The following KCTD8 variants were observed in gnomAD, a reference collection of about 807,000 sequenced individuals.
KCTD8 encodes BTB/POZ domain-containing protein KCTD8.
In KCTD8, 27 loss-of-function variants were observed where a neutral mutation model predicts 31.5. That is an observed-to-expected ratio of 0.86 (90% confidence interval 0.63 to 1.18). The LOEUF (loss-of-function observed/expected upper bound fraction) is 1.18. KCTD8 is among the 50% of genes most tolerant of loss of function. The pLI is 0.00. For missense variants in KCTD8, 658 were observed against 647.7 expected, an observed-to-expected ratio of 1.02 and a Z score of -0.17; for synonymous variants, 290 against 280.0, an observed-to-expected ratio of 1.04 and a Z score of -0.36.
chr4:44,448,424 G>C lies in KCTD8; in HGVS notation c.100C>G (p.Pro34Ala), dbSNP rs1560458036. ...SSPGASAAAA[P>A]GPCAPSPFPE... is the part of the protein sequence containing the mutation. ...AAGGGCGAGGGTGCGCAGGGCCCCG[G>C]GGCGGCGGCGGCCGACGCGCCGGGC... The change falls in exon 1 of 2, where the codon CCG (proline) becomes GCG (alanine). Residue 34 changes from proline (P) to alanine (A), a missense_variant. By Grantham distance (27) the Pro-to-Ala change is conservative. Coordinates refer to ENST00000360029, the MANE Select transcript of KCTD8 (RefSeq NM_198353.3). The surrounding 1 kb of genome is among the most constrained non-coding windows in gnomAD (Gnocchi z 4.1). The C allele has an allele frequency of 1.9e-6, 3 of 1,557,896 alleles. No individual in the cohort carries two copies. Among genetic ancestry groups the C allele is most frequent in the Admixed American group, 4.2e-5 (2 of 47,884 alleles).
intron 1 of KCTD8, among the ~76,000 whole-genome samples, chr4:44,240,488 G>A (rs1016599693): frequency 4.6e-5 from 7 of 152,014 alleles, no homozygotes; most frequent in Admixed American, 1.3e-4. Context: ...TAGTAGTCCC[G>A]GGATTTTATT....
chr4:44,269,574 A>C (rs1315922404), intron 1 of KCTD8, among the ~76,000 whole-genome samples: 11 of 152,228 alleles, frequency 7.2e-5, no homozygotes, highest in Non-Finnish European at 1.3e-4. Context: ...TCTGCACAGC[A>C]AAAGAAACTA....
At chr4:44,234,575 T>C (rs1225704096) in intron 1 of KCTD8, among the ~76,000 whole-genome samples, 1 of 152,190 alleles carries the variant, frequency 6.6e-6, no homozygotes, top group Non-Finnish European at 1.5e-5. Flanking sequence ...GAGTGCAGCA[T>C]TGGTCAAGGG....
chr4:44,417,313 G>A (rs1721098930), intron 1 of KCTD8, among the ~76,000 whole-genome samples: 1 of 152,056 alleles, frequency 6.6e-6, no homozygotes, highest in South Asian at 2.1e-4. Context: ...ACATAAATTA[G>A]AAAAAAAGCT....
intron 1 of KCTD8, among the ~76,000 whole-genome samples, chr4:44,297,341 A>G (rs1423825641): frequency 1.3e-5 from 2 of 152,108 alleles, no homozygotes; most frequent in Non-Finnish European, 2.9e-5. Flanking sequence ...ACTGTTTTTC[A>G]TCCAAAAAGC....
At chr4:44,232,238 C>T (rs1021875047) in intron 1 of KCTD8, among the ~76,000 whole-genome samples, 3 of 152,232 alleles carry the variant, frequency 2.0e-5, no homozygotes, top group African/African-American at 4.8e-5. Context: ...CTCTCTCTGC[C>T]TCAAATGGTC....
intron 1 of KCTD8, among the ~76,000 whole-genome samples, chr4:44,187,545 A>G (rs1264317922): frequency 6.6e-6 from 1 of 152,202 alleles, no homozygotes; most frequent in East Asian, 1.9e-4. Flanking sequence ...GACATTGGCA[A>G]AGTTGTTTTT....
intron 1 of KCTD8, among the ~76,000 whole-genome samples, chr4:44,176,682 G>A (rs1713226019): frequency 6.6e-6 from 1 of 152,044 alleles, no homozygotes; most frequent in Admixed American, 6.6e-5. Flanking sequence ...TGGAATTATG[G>A]AAATATTCTA....
At chr4:44,263,609 G>A (rs975681159) in intron 1 of KCTD8, among the ~76,000 whole-genome samples, 1 of 152,120 alleles carries the variant, frequency 6.6e-6, no homozygotes, top group African/African-American at 2.4e-5. Context: ...GAACAGGAAA[G>A]AATAGGAGAG....
chr4:44,351,408 C>T (rs1196050967), intron 1 of KCTD8, among the ~76,000 whole-genome samples: 1 of 152,078 alleles, frequency 6.6e-6, no homozygotes, highest in Non-Finnish European at 1.5e-5. Context: ...CCCAAACAAA[C>T]CCATTTAGTT....
At chr4:44,256,799 A>G (rs1439569582) in intron 1 of KCTD8, among the ~76,000 whole-genome samples, 6 of 151,940 alleles carry the variant, frequency 3.9e-5, no homozygotes, top group Admixed American at 3.9e-4. Context: ...GGAAAAGGCA[A>G]GAACTTCAAG....
At chr4:44,344,348 C>A (rs1382442403) in intron 1 of KCTD8, among the ~76,000 whole-genome samples, 2 of 152,006 alleles carry the variant, frequency 1.3e-5, no homozygotes, top group African/African-American at 4.8e-5. Flanking sequence ...ACACACTGGG[C>A]TAATGTTTTC....
chr4:44,295,425 A>C (rs957880975), intron 1 of KCTD8, among the ~76,000 whole-genome samples: 1 of 152,146 alleles, frequency 6.6e-6, no homozygotes, highest in Admixed American at 6.5e-5. Context: ...TCTAAGACCC[A>C]AGAGAGCCCC....
chr4:44,316,626 G>T (rs1718115878), intron 1 of KCTD8, among the ~76,000 whole-genome samples: 1 of 151,674 alleles, frequency 6.6e-6, no homozygotes, highest in African/African-American at 2.4e-5. Flanking sequence ...TATGTCAGCA[G>T]GTAATCTTCT....
At chr4:44,314,323 G>T (rs1577610468) in intron 1 of KCTD8, among the ~76,000 whole-genome samples, 2 of 152,254 alleles carry the variant, frequency 1.3e-5, no homozygotes, top group East Asian at 1.9e-4. Flanking sequence ...AGATGCAGCT[G>T]GTGGTAGTTA....
intron 1 of KCTD8, among the ~76,000 whole-genome samples, chr4:44,373,452 C>T (rs1035575103): frequency 2.6e-5 from 4 of 152,084 alleles, no homozygotes; most frequent in Admixed American, 2.6e-4. Flanking sequence ...CTCACTCACT[C>T]TATGATTCTC....
chr4:44,417,308 A>T (rs1298747642), intron 1 of KCTD8, among the ~76,000 whole-genome samples: 1 of 152,078 alleles, frequency 6.6e-6, no homozygotes, highest in Non-Finnish European at 1.5e-5. Flanking sequence ...CTCCCACATA[A>T]ATTAGAAAAA....
At chr4:44,299,215 G>A (rs1169206416) in intron 1 of KCTD8, among the ~76,000 whole-genome samples, 1 of 152,112 alleles carries the variant, frequency 6.6e-6, no homozygotes, top group Non-Finnish European at 1.5e-5. Context: ...AAATACATAT[G>A]TAAAATCTCA....
chr4:44,391,451 C>T (rs1176637020), intron 1 of KCTD8, among the ~76,000 whole-genome samples: 1 of 151,884 alleles, frequency 6.6e-6, no homozygotes, highest in Non-Finnish European at 1.5e-5. Flanking sequence ...CTTCCGCAGC[C>T]TACTCAATGT....
Sources: gnomAD v4.1 joint callset for allele counts (sites outside exome capture counted in the v4.1 genomes callset) on GRCh38, gnomAD v4.1.1 for gene constraint, Gnocchi (gnomAD v3.1) non-coding constraint, MANE v1.5 for transcripts, NCBI Gene and HGNC (gene_info 2026-07-23, HGNC 2026-07-21) for gene names.